The following THSD7B variants were observed in gnomAD, a reference collection of about 807,000 sequenced individuals.
The protein encoded by THSD7B is thrombospondin type 1 domain containing 7B, also known as thrombospondin type-1 domain-containing protein 7B.
Under a neutral mutation model 213.6 loss-of-function variants are expected in THSD7B, and 138 were observed. The ratio of observed to expected loss-of-function variants is 0.65; its 90% confidence interval spans 0.56 to 0.74. THSD7B has a LOEUF of 0.74. Ranked by LOEUF, THSD7B falls within the 30% of genes least tolerant of loss-of-function variation. The pLI is 0.00. For missense variants in THSD7B, 1,931 were observed against 1,991.5 expected (o/e 0.97, Z 0.58); for synonymous variants, 742 against 687.0 (o/e 1.08, Z -1.25).
At chr2:136,814,070 C>T (rs1477337123) in intron 1 of THSD7B, among the ~76,000 whole-genome samples, 4 of 152,168 alleles carry the variant, frequency 2.6e-5, no homozygotes, top group Non-Finnish European at 5.9e-5. Flanking sequence ...CCAGAACCAC[C>T]AGTTGGGAAC....
intron 10 of THSD7B, among the ~76,000 whole-genome samples, chr2:137,247,943 AAGG>A (rs1682079483): frequency 6.6e-6 from 1 of 152,184 alleles, no homozygotes; most frequent in Admixed American, 6.6e-5. Flanking sequence ...GAGCTGTTAT[AAGG>A]AGGACAGATG....
chr2:137,060,588 A>T (rs1355832733), intron 3 of THSD7B, among the ~76,000 whole-genome samples: 1 of 151,930 alleles, frequency 6.6e-6, no homozygotes, highest in South Asian at 2.1e-4. Context: ...TTATATGTTC[A>T]GTTGTTCCAG....
At chr2:136,955,305 G>A (rs1014424010) in intron 2 of THSD7B, among the ~76,000 whole-genome samples, 1 of 152,114 alleles carries the variant, frequency 6.6e-6, no homozygotes, top group Non-Finnish European at 1.5e-5. Context: ...TAGATCTTTC[G>A]CTGAGCAAGT....
intron 2 of THSD7B, among the ~76,000 whole-genome samples, chr2:136,949,977 G>A (rs1049873113): frequency 4.6e-5 from 7 of 152,196 alleles, no homozygotes; most frequent in South Asian, 2.1e-4. Context: ...AAAATGTGGC[G>A]GCCGGGCGCA....
chr2:136,874,828 C>T (rs542034824), intron 1 of THSD7B, among the ~76,000 whole-genome samples: 2 of 152,124 alleles, frequency 1.3e-5, no homozygotes, highest in Non-Finnish European at 2.9e-5. Context: ...GGAAACTCAA[C>T]GACCTTCATG....
At chr2:136,990,895 C>T in intron 2 of THSD7B, 1 of 1,348,004 alleles carries the variant, frequency 7.4e-7, no homozygotes, top group Non-Finnish European at 9.9e-7. Context: ...CGAAACGATG[C>T]ATAACACAGC....
intron 15 of THSD7B, among the ~76,000 whole-genome samples, chr2:137,475,155 G>C (rs1416379284): frequency 6.6e-6 from 1 of 151,970 alleles, no homozygotes; most frequent in South Asian, 2.1e-4. Flanking sequence ...TTCAATTTGG[G>C]GAGTCTTTTG....
intron 2 of THSD7B, 138 bp downstream of exon 2, chr2:136,882,455 G>C: frequency 1.0e-6 from 1 of 998,554 alleles, no homozygotes; most frequent in Non-Finnish European, 1.3e-6. Context: ...AAATTCTGCA[G>C]CTCATATTTG....
At chr2:137,564,188 T>C (rs983543432) in intron 16 of THSD7B, among the ~76,000 whole-genome samples, 1 of 152,214 alleles carries the variant, frequency 6.6e-6, no homozygotes, top group Non-Finnish European at 1.5e-5. Flanking sequence ...ACAGTCAGTG[T>C]CTAAATCAGG....
At chr2:137,118,907 G>T (rs1353110769) in intron 5 of THSD7B, among the ~76,000 whole-genome samples, 1 of 152,146 alleles carries the variant, frequency 6.6e-6, no homozygotes, top group Admixed American at 6.6e-5. Context: ...AGACAAGAAA[G>T]AATGAGAGCC....
chr2:137,494,603 A>G (rs1032908770), intron 15 of THSD7B, among the ~76,000 whole-genome samples: 7 of 152,152 alleles, frequency 4.6e-5, no homozygotes, highest in African/African-American at 1.2e-4. Context: ...CTTAGGAAGC[A>G]TTTATTAAAC....
intron 18 of THSD7B, among the ~76,000 whole-genome samples, chr2:137,617,560 C>G (rs1160350156): frequency 6.6e-6 from 1 of 152,130 alleles, no homozygotes; most frequent in African/African-American, 2.4e-5. Flanking sequence ...TTTCCCGGAG[C>G]ATCTCTTTTG....
chr2:137,374,499 GC>G (rs1344805109), intron 12 of THSD7B, among the ~76,000 whole-genome samples: 1 of 152,148 alleles, frequency 6.6e-6, no homozygotes, highest in African/African-American at 2.4e-5. Flanking sequence ...TTTCCACTGT[GC>G]CATCTTTATC....
intron 3 of THSD7B, among the ~76,000 whole-genome samples, chr2:137,076,317 C>T (rs10201506): frequency 0.063 from 9,622 of 152,274 alleles, 1,003 homozygotes; most frequent in African/African-American, 0.22. Context: ...GCCTCGCTGC[C>T]GCCTTGCAGT....
intron 15 of THSD7B, among the ~76,000 whole-genome samples, chr2:137,533,117 A>G (rs1442289940): frequency 6.6e-6 from 1 of 151,692 alleles, no homozygotes; most frequent in African/African-American, 2.4e-5. Flanking sequence ...TAGAAATATT[A>G]GAGAAGCCAA....
intron 1 of THSD7B, among the ~76,000 whole-genome samples, chr2:136,826,742 G>T (rs937902894): frequency 6.6e-6 from 1 of 152,148 alleles, no homozygotes; most frequent in Non-Finnish European, 1.5e-5. Context: ...AAAATAAAAG[G>T]AATTTCTTCA....
At chr2:137,326,403 G>A (rs1270709685) in intron 12 of THSD7B, among the ~76,000 whole-genome samples, 2 of 152,116 alleles carry the variant, frequency 1.3e-5, no homozygotes, top group East Asian at 1.9e-4. Flanking sequence ...TACCACAAAA[G>A]TTCTTAAGCC....
At chr2:137,675,527 A>T (rs60631769) in intron 27 of THSD7B, among the ~76,000 whole-genome samples, 5,225 of 150,450 alleles carry the variant, frequency 0.035, 308 homozygotes, top group African/African-American at 0.12. Context: ...CCACTCACTC[A>T]GTGACCTAAG....
chr2:136,812,602 A>G (rs879528365), intron 1 of THSD7B, among the ~76,000 whole-genome samples: 6 of 152,178 alleles, frequency 3.9e-5, no homozygotes, highest in Non-Finnish European at 8.8e-5. Context: ...ACAATGTCCT[A>G]TTTACTCATC....
Sources: gnomAD v4.1 joint callset for allele counts (sites outside exome capture counted in the v4.1 genomes callset) on GRCh38, gnomAD v4.1.1 for gene constraint, MANE v1.5 for transcripts, NCBI Gene and HGNC (gene_info 2026-07-23, HGNC 2026-07-21) for gene names.